The following SPAG16 variants were observed in gnomAD, a reference collection of about 807,000 sequenced individuals.
The protein encoded by SPAG16 is sperm-associated antigen 16 protein.
A neutral mutation model predicts 80.4 loss-of-function variants in SPAG16; 86 were observed. That is an observed-to-expected ratio of 1.07 (90% CI 0.90 to 1.28). The LOEUF (loss-of-function observed/expected upper bound fraction) is 1.28. Among genes scored for constraint, SPAG16 ranks in the 50% most tolerant of loss-of-function variants. The probability of loss-of-function intolerance (pLI) is 0.00; values close to 1 mark genes in which losing one functional copy is unlikely to be tolerated. For missense variants in SPAG16, 870 were observed against 765.3 expected, an observed-to-expected ratio of 1.14 and a Z score of -1.61; for synonymous variants, 294 against 265.9, an observed-to-expected ratio of 1.11 and a Z score of -1.03.
At chr2:213,930,710 C>T (rs896960953) in intron 12 of SPAG16, among the ~76,000 whole-genome samples, 13 of 152,128 alleles carry the variant, frequency 8.5e-5, no homozygotes, top group Non-Finnish European at 1.6e-4. Context: ...TCAAGGTAGA[C>T]AAATTCATTA....
At chr2:213,785,686 G>T (rs993726609) in intron 10 of SPAG16, among the ~76,000 whole-genome samples, 2 of 152,096 alleles carry the variant, frequency 1.3e-5, no homozygotes, top group Non-Finnish European at 2.9e-5. Flanking sequence ...ATTAATAAAT[G>T]AACATTAAGA....
At chr2:213,342,868 A>T (rs761016682) in intron 6 of SPAG16, among the ~76,000 whole-genome samples, 2 of 151,860 alleles carry the variant, frequency 1.3e-5, no homozygotes, top group Non-Finnish European at 2.9e-5. Context: ...CAGGATGATC[A>T]ACCCACATAT....
At chr2:214,116,610 C>T (rs764377798) in intron 14 of SPAG16, among the ~76,000 whole-genome samples, 7 of 151,990 alleles carry the variant, frequency 4.6e-5, no homozygotes, top group East Asian at 1.9e-4. Context: ...AGTTCCACTG[C>T]GCAGAGACCT....
At position 214,359,427 on chromosome 2, in the gene SPAG16, A is replaced by T. The variant is rs1699028784; in HGVS notation, c.1721-50713A>T. On this transcript the variant is annotated intron_variant, in intron 15 of 15. Transcript: ENST00000331683. ...TTTTACTTGACAAAACAACAACAAA[A>T]CAGCATTTTTGGTGTTGCTAAAGAG... is the stretch of plus-strand genomic sequence containing the variant. Among the ~76,000 whole-genome samples, 8 of 152,020 alleles carry T rather than the reference A, an allele frequency of 5.3e-5. No homozygotes were observed. The South Asian group carries it at 1.7e-3, about 32-fold the overall frequency.
At chr2:213,757,491 G>A (rs943203790) in intron 10 of SPAG16, among the ~76,000 whole-genome samples, 2 of 152,150 alleles carry the variant, frequency 1.3e-5, no homozygotes, top group African/African-American at 2.4e-5. Context: ...TGGAGAAATA[G>A]TTATAGAAAT....
At chr2:214,242,642 A>G (rs1689573907) in intron 15 of SPAG16, among the ~76,000 whole-genome samples, 1 of 152,190 alleles carries the variant, frequency 6.6e-6, no homozygotes, top group African/African-American at 2.4e-5. Context: ...CTCCCTAATC[A>G]TTGGTTATAA....
chr2:214,338,742 C>T (rs1048241857), intron 15 of SPAG16, among the ~76,000 whole-genome samples: 56 of 152,148 alleles, frequency 3.7e-4, no homozygotes, highest in African/African-American at 1.3e-3. Flanking sequence ...GGTAGAAATA[C>T]TGTAACATAT....
At chr2:213,884,333 C>G (rs1391594474) in intron 11 of SPAG16, among the ~76,000 whole-genome samples, 1 of 152,086 alleles carries the variant, frequency 6.6e-6, no homozygotes, top group East Asian at 1.9e-4. Flanking sequence ...AAAAATTGTC[C>G]CAGAATCTCT....
chr2:213,457,259 G>A (rs2072076868), intron 9 of SPAG16, among the ~76,000 whole-genome samples: 1 of 152,078 alleles, frequency 6.6e-6, no homozygotes, highest in Non-Finnish European at 1.5e-5. Flanking sequence ...TCTTTTCCAA[G>A]CATTTTTTTC....
chr2:213,658,338 C>G (rs1243939979), intron 10 of SPAG16, among the ~76,000 whole-genome samples: 2 of 152,118 alleles, frequency 1.3e-5, no homozygotes, highest in East Asian at 1.9e-4. Context: ...GCCCCTCTTT[C>G]CCCAACTCAT....
At chr2:213,717,344 TAG>T (rs1177442198) in intron 10 of SPAG16, among the ~76,000 whole-genome samples, 7 of 152,066 alleles carry the variant, frequency 4.6e-5, no homozygotes, top group African/African-American at 1.7e-4. Context: ...GCATTTTTAG[TAG>T]AGACAGGGTT....
chr2:214,235,724 G>T (rs1689029701), intron 15 of SPAG16, among the ~76,000 whole-genome samples: 1 of 151,906 alleles, frequency 6.6e-6, no homozygotes, highest in Admixed American at 6.6e-5. Flanking sequence ...CATGCCCATT[G>T]GCAAAGTAAT....
chr2:213,627,628 G>A (rs2062005345), intron 10 of SPAG16, among the ~76,000 whole-genome samples: 2 of 152,254 alleles, frequency 1.3e-5, no homozygotes, highest in Middle Eastern at 3.4e-3. Flanking sequence ...GAAGCATGAT[G>A]TCAATATATT....
chr2:213,967,270 A>T (rs2044755196), intron 12 of SPAG16, among the ~76,000 whole-genome samples: 1 of 152,164 alleles, frequency 6.6e-6, no homozygotes, highest in Non-Finnish European at 1.5e-5. Flanking sequence ...CACCTTCTTT[A>T]TGTTGAACTC....
intron 9 of SPAG16, among the ~76,000 whole-genome samples, chr2:213,407,094 G>T (rs1051789194): frequency 2.0e-5 from 3 of 152,116 alleles, no homozygotes; most frequent in African/African-American, 4.8e-5. Flanking sequence ...AGGGCTAAAT[G>T]TGTGTGTGCG....
intron 10 of SPAG16, among the ~76,000 whole-genome samples, chr2:213,505,090 A>G (rs2074914348): frequency 6.6e-6 from 1 of 152,212 alleles, no homozygotes; most frequent in Non-Finnish European, 1.5e-5. Flanking sequence ...ACATTTTGGT[A>G]TTTATTATCA....
intron 12 of SPAG16, among the ~76,000 whole-genome samples, chr2:213,967,313 T>G (rs1025181870): frequency 6.6e-6 from 1 of 152,202 alleles, no homozygotes; most frequent in Non-Finnish European, 1.5e-5. Flanking sequence ...TCTATTTATC[T>G]CTTCTTAGGT....
intron 14 of SPAG16, among the ~76,000 whole-genome samples, chr2:214,127,836 T>G (rs1220126753): frequency 6.6e-6 from 1 of 151,892 alleles, no homozygotes; most frequent in Non-Finnish European, 1.5e-5. Context: ...CAAAACTCTT[T>G]ATAAAAGAAG....
chr2:213,882,305 T>A (rs1476651653), intron 11 of SPAG16, among the ~76,000 whole-genome samples: 1 of 152,128 alleles, frequency 6.6e-6, no homozygotes, highest in Admixed American at 6.5e-5. Context: ...TTTATTTTTG[T>A]TTCTCTGCCA....
Sources: allele counts gnomAD v4.1 joint callset (sites outside exome capture counted in the v4.1 genomes callset), GRCh38; gene constraint gnomAD v4.1.1; transcripts MANE v1.5; gene names NCBI Gene and HGNC (gene_info 2026-07-23, HGNC 2026-07-21).